Variants in CHCHD3 observed in about 807,000 individuals in gnomAD.
CHCHD3 encodes the protein coiled-coil-helix-coiled-coil-helix domain containing 3.
CHCHD3 carries 20 observed loss-of-function variants against 38.2 expected under a neutral mutation model. The ratio of observed to expected loss-of-function variants is 0.52; its 90% confidence interval spans 0.37 to 0.76. The LOEUF (loss-of-function observed/expected upper bound fraction) is 0.76, where lower values mean the gene tolerates loss of function less well. Among genes scored for constraint, CHCHD3 ranks in the 30% least tolerant of loss-of-function variants. CHCHD3 has a pLI of 0.00. For synonymous variants in CHCHD3, 82 were observed against 100.0 expected, an observed-to-expected ratio of 0.82 and a Z score of 1.07; for missense variants, 245 against 279.2, an observed-to-expected ratio of 0.88 and a Z score of 0.87.
chr7:133,007,468 C>G (rs1584638194), intron 3 of CHCHD3, among the ~76,000 whole-genome samples: 1 of 152,174 alleles, frequency 6.6e-6, no homozygotes, highest in Non-Finnish European at 1.5e-5. Flanking sequence ...TTTTCTGACA[C>G]TCACCTTTTG....
chr7:132,960,589 T>G lies in CHCHD3; in HGVS notation c.369+14580A>C, dbSNP rs570902854. 2.2e-4 allele frequency among the ~76,000 whole-genome samples: 33 copies of G among 152,348 alleles called. No homozygotes were observed. The South Asian group carries it at 6.4e-3, about 30-fold the overall frequency. On this transcript the variant is annotated intron_variant, in intron 4 of 7. Transcript: ENST00000262570. The stretch of plus-strand genomic sequence containing the variant: ...CTTTCTAATGATGCCACTGTCCATA[T>G]GCTTAAAATTCAACATGGAGCAAGG...
intron 3 of CHCHD3, among the ~76,000 whole-genome samples, chr7:133,015,065 G>C (rs1812990133): frequency 6.6e-6 from 1 of 152,214 alleles, no homozygotes; most frequent in Non-Finnish European, 1.5e-5. Context: ...TATAGAGCCA[G>C]GCACAGTGGC....
chr7:132,947,039 G>A (rs1229813038), intron 4 of CHCHD3, among the ~76,000 whole-genome samples: 1 of 151,728 alleles, frequency 6.6e-6, no homozygotes, highest in Non-Finnish European at 1.5e-5. Context: ...GGACCAATGA[G>A]TACTTATTTA....
chr7:132,949,731 T>G (rs1810992631), intron 4 of CHCHD3, among the ~76,000 whole-genome samples: 1 of 152,076 alleles, frequency 6.6e-6, no homozygotes, highest in African/African-American at 2.4e-5. Flanking sequence ...TTAAGACTTG[T>G]GAAAATCAAA....
At chr7:132,827,487 A>G (rs903706011) in intron 6 of CHCHD3, among the ~76,000 whole-genome samples, 1 of 152,146 alleles carries the variant, frequency 6.6e-6, no homozygotes, top group Admixed American at 6.5e-5. Flanking sequence ...GGAATTTTCA[A>G]CTTGTGGCAT....
At chr7:133,010,068 C>A (rs999327835) in intron 3 of CHCHD3, among the ~76,000 whole-genome samples, 2 of 152,154 alleles carry the variant, frequency 1.3e-5, no homozygotes, top group African/African-American at 4.8e-5. Context: ...ACAGTCACTT[C>A]CTAAACACTA....
chr7:132,929,518 G>T (rs1221790319), intron 4 of CHCHD3, among the ~76,000 whole-genome samples: 2 of 152,114 alleles, frequency 1.3e-5, no homozygotes, highest in Non-Finnish European at 2.9e-5. Flanking sequence ...CTTTGAGAAG[G>T]ATTCCCATAA....
At chr7:132,983,708 C>T (rs543495361) in intron 3 of CHCHD3, among the ~76,000 whole-genome samples, 80 of 152,162 alleles carry the variant, frequency 5.3e-4, no homozygotes, top group Admixed American at 1.2e-3. Context: ...GCTAGAAGTG[C>T]TCCCGAGAAG....
At chr7:132,972,525 T>A in intron 4 of CHCHD3, 1 of 902,054 alleles carries the variant, frequency 1.1e-6, no homozygotes, top group Non-Finnish European at 1.3e-6. Context: ...CTAATCTTGA[T>A]CCAATGAATA....
intron 4 of CHCHD3, among the ~76,000 whole-genome samples, chr7:132,886,284 C>T (rs1283573820): frequency 6.6e-6 from 1 of 151,710 alleles, no homozygotes; most frequent in African/African-American, 2.4e-5. Context: ...TTCAATAATT[C>T]AAAATAATCA....
chr7:133,072,530 A>G (rs1814854253), intron 1 of CHCHD3, among the ~76,000 whole-genome samples: 1 of 152,200 alleles, frequency 6.6e-6, no homozygotes, highest in South Asian at 2.1e-4. Flanking sequence ...TCAAACCCAA[A>G]AAGTCTGAGT....
At chr7:132,911,150 A>G (rs1163224737) in intron 4 of CHCHD3, among the ~76,000 whole-genome samples, 1 of 152,182 alleles carries the variant, frequency 6.6e-6, no homozygotes, top group Admixed American at 6.5e-5. Flanking sequence ...GTAGACTCAC[A>G]AGGCATGCCC....
At chr7:132,891,520 C>T (rs1449189513) in intron 4 of CHCHD3, among the ~76,000 whole-genome samples, 1 of 152,200 alleles carries the variant, frequency 6.6e-6, no homozygotes, top group East Asian at 1.9e-4. Flanking sequence ...CAAACCCAAG[C>T]ACCCAGGATT....
At chr7:132,794,880 TA>T (rs1806564466) in intron 7 of CHCHD3, among the ~76,000 whole-genome samples, 1 of 152,210 alleles carries the variant, frequency 6.6e-6, no homozygotes, top group Non-Finnish European at 1.5e-5. Flanking sequence ...ACAGAGCTGG[TA>T]AAAGGACAGG....
intron 3 of CHCHD3, among the ~76,000 whole-genome samples, chr7:132,982,235 A>G (rs114679809): frequency 0.015 from 2,301 of 152,330 alleles, 58 homozygotes; most frequent in African/African-American, 0.052. Context: ...GGAAGAAAAT[A>G]TATGTGGATT....
At chr7:132,876,311 A>C (rs913304017) in intron 5 of CHCHD3, among the ~76,000 whole-genome samples, 3 of 152,212 alleles carry the variant, frequency 2.0e-5, no homozygotes, top group Non-Finnish European at 4.4e-5. Flanking sequence ...TATTCTTATC[A>C]ATAGCAAGAA....
intron 6 of CHCHD3, among the ~76,000 whole-genome samples, chr7:132,799,345 T>A (rs1328880809): frequency 6.6e-6 from 1 of 152,214 alleles, no homozygotes; most frequent in South Asian, 2.1e-4. Flanking sequence ...CCATTCAGGA[T>A]AAAGGTTTCA....
chr7:132,961,038 G>C (rs1339774816), intron 4 of CHCHD3, among the ~76,000 whole-genome samples: 1 of 152,110 alleles, frequency 6.6e-6, no homozygotes, highest in African/African-American at 2.4e-5. Flanking sequence ...CAGCACTTTG[G>C]GAGGCCTAGA....
intron 4 of CHCHD3, among the ~76,000 whole-genome samples, chr7:132,968,233 T>G (rs557244680): frequency 1.3e-4 from 20 of 152,306 alleles, no homozygotes; most frequent in Middle Eastern, 3.4e-3. Flanking sequence ...CCAGAAGCCC[T>G]AATACCCTGC....
Sources: gnomAD v4.1 joint callset for allele counts (sites outside exome capture counted in the v4.1 genomes callset) on GRCh38, gnomAD v4.1.1 for gene constraint, MANE v1.5 for transcripts, NCBI Gene and HGNC (gene_info 2026-07-23, HGNC 2026-07-21) for gene names.